The following FNTB variants were observed in gnomAD, a reference collection of about 807,000 sequenced individuals.
FNTB encodes protein farnesyltransferase subunit beta.
Under a neutral mutation model 59.4 loss-of-function variants are expected in FNTB, and 27 were observed. That is an observed-to-expected ratio of 0.45 (90% CI 0.34 to 0.63). FNTB has a LOEUF of 0.63. Among genes scored for constraint, FNTB ranks in the 20% least tolerant of loss-of-function variants. FNTB has a pLI of 0.02. For missense variants in FNTB, 449 were observed against 559.6 expected (o/e 0.80, Z 1.99); for synonymous variants, 230 against 220.7 (o/e 1.04, Z -0.37).
In FNTB at chr14:65,062,261, T is replaced by G. The variant is rs1271907511; in HGVS notation, c.*949T>G. 6 of 152,274 alleles carry G rather than the reference T, an allele frequency of 3.9e-5. No individual in the cohort carries two copies. The highest frequency in any genetic ancestry group is 8.8e-5 in the Non-Finnish European group (6 of 68,054). The allele number at this position is 152,274 out of a possible 1,614,324, so 9.4% of individuals were successfully genotyped here. On this transcript the variant is annotated 3_prime_UTR_variant, in exon 12 of 12. Coordinates refer to ENST00000246166, the MANE Select transcript of FNTB (RefSeq NM_002028.4). The surrounding 1 kb of genome is among the most constrained non-coding windows in gnomAD (Gnocchi z 4.3). ...ATTAACACTACTAAGTCTTTCACCT[T>G]AACTTATGACTCAGGATTTATTCAC...
At chr14:64,993,368 G>A (rs1421430954) in intron 1 of FNTB, among the ~76,000 whole-genome samples, 3 of 152,232 alleles carry the variant, frequency 2.0e-5, no homozygotes, top group Admixed American at 1.3e-4. Context: ...CTAAATTTGT[G>A]TTTAATTTAT....
rs1555335876 is a variant in FNTB, at chr14:65,037,403, C to CTTTTTTTTTTTTTTTTTTTTTTTTTTT, written c.693-3370_693-3344dup. ...TAGGCGTGAGCCACCACGCCGGGCC[C>CTTTTTTTTTTTTTTTTTTTTTTTTTTT]TTTTTTTTTTTTTTTTTTTTTTTTT... On this transcript the variant is annotated intron_variant, in intron 7 of 11. Coordinates refer to ENST00000246166, the MANE Select transcript of FNTB (RefSeq NM_002028.4). Among the ~76,000 whole-genome samples, 9 of 29,646 alleles carry CTTTTTTTTTTTTTTTTTTTTTTTTTTT rather than the reference C, an allele frequency of 3.0e-4. 3 individuals carry two copies. The highest frequency in any genetic ancestry group is 1.3e-3 in the Admixed American group (3 of 2,366). 19.4% of individuals were successfully genotyped at this position (29,646 alleles called of 152,430 possible). A position where few individuals can be genotyped will look rare whatever the true frequency, so the allele number is the denominator to read the frequency against.
rs2061683345 is a variant in FNTB, at chr14:65,011,496, T to C, written c.210-821T>C. Among the ~76,000 whole-genome samples the C allele has an allele frequency of 6.6e-6, 1 of 151,856 alleles. No homozygotes were observed. Among genetic ancestry groups the C allele is most frequent in the African/African-American group, 2.4e-5 (1 of 41,250 alleles). On this transcript the variant is annotated intron_variant, in intron 2 of 11. Coordinates refer to ENST00000246166, the MANE Select transcript of FNTB (RefSeq NM_002028.4). The surrounding 1 kb of genome is among the most constrained non-coding windows in gnomAD (Gnocchi z 4.0). ...ACTCTGAGCCAAGTACAGTGGGAAT[T>C]TGATAAACAATTGTGGAATTGACTA...
chr14:65,037,402 C>CTTTTTT (rs765037575), intron 7 of FNTB, among the ~76,000 whole-genome samples: 20 of 14,530 alleles, frequency 1.4e-3, no homozygotes, highest in Admixed American at 2.1e-3. Flanking sequence ...CACGCCGGGC[C>CTTTTTT]CTTTTTTTTT....
chr14:65,013,740 G>T (rs1395039210), intron 3 of FNTB, among the ~76,000 whole-genome samples: 1 of 152,134 alleles, frequency 6.6e-6, no homozygotes, highest in Non-Finnish European at 1.5e-5. Context: ...TAGAGACAGG[G>T]TTTCACCATA....
At chr14:65,025,983 C>T (rs979940064) in intron 4 of FNTB, among the ~76,000 whole-genome samples, 1 of 152,232 alleles carries the variant, frequency 6.6e-6, no homozygotes, top group Non-Finnish European at 1.5e-5. Flanking sequence ...TTTGCTTTCT[C>T]TGCCCGGATA....
At chr14:65,006,194 CTT>C in intron 2 of FNTB, 1 of 1,411,306 alleles carries the variant, frequency 7.1e-7, no homozygotes, top group African/African-American at 1.6e-5. Flanking sequence ...CCTTAAGAAA[CTT>C]TTTCTGATTA....
chr14:65,057,619 A>G (rs1038086235), intron 11 of FNTB, among the ~76,000 whole-genome samples: 1 of 152,208 alleles, frequency 6.6e-6, no homozygotes, highest in Non-Finnish European at 1.5e-5. Context: ...GATGCGTGCT[A>G]TGAAGGGAAT....
chr14:64,989,615 T>C (rs1888106505), intron 1 of FNTB, among the ~76,000 whole-genome samples: 1 of 152,164 alleles, frequency 6.6e-6, no homozygotes, highest in Non-Finnish European at 1.5e-5. Flanking sequence ...TGTTAAGCAA[T>C]AATTTGGTAA....
intron 9 of FNTB, among the ~76,000 whole-genome samples, chr14:65,052,451 G>A (rs34957364): frequency 0.4 from 60,839 of 151,946 alleles, 12,879 homozygotes; most frequent in East Asian, 0.58. Flanking sequence ...CAAGGACTTA[G>A]TGTACATCCT....
At chr14:65,055,109 G>A (rs1254551640) in intron 11 of FNTB, among the ~76,000 whole-genome samples, 2 of 152,252 alleles carry the variant, frequency 1.3e-5, no homozygotes, top group Admixed American at 1.3e-4. Flanking sequence ...CATCTCTTCA[G>A]AGAATGAGAT....
At chr14:65,053,402 G>A (rs554285177) in intron 10 of FNTB, 53 bp downstream of exon 10, 10 of 1,315,708 alleles carry the variant, frequency 7.6e-6, no homozygotes, top group Non-Finnish European at 9.9e-6. Flanking sequence ...AGAGCAGAGG[G>A]GCGTGCACCT....
intron 8 of FNTB, among the ~76,000 whole-genome samples, chr14:65,041,554 C>A (rs1190297359): frequency 6.6e-6 from 1 of 152,142 alleles, no homozygotes; most frequent in Non-Finnish European, 1.5e-5. Flanking sequence ...GGAGCATGTA[C>A]CCCCTGACCA....
rs562212938 is a variant in FNTB, at chr14:65,036,196, T to C, written c.692+3500T>C. ...CCACTGCTCTGTGTCATAGTTTCCT[T>C]ATATGTCAAGTGGTGGGATACTGAA... is the stretch of plus-strand genomic sequence containing the variant. On this transcript the variant is annotated intron_variant, in intron 7 of 11. Coordinates refer to ENST00000246166, the MANE Select transcript of FNTB (RefSeq NM_002028.4). Among the ~76,000 whole-genome samples, 15 of 152,268 alleles carry C rather than the reference T, an allele frequency of 9.9e-5. No individual in the cohort carries two copies. In the South Asian group the frequency reaches 1.4e-3, roughly 15 times the overall value.
intron 2 of FNTB, 115 bp downstream of exon 2, chr14:65,004,428 G>A: frequency 8.8e-7 from 1 of 1,140,950 alleles, no homozygotes; most frequent in Non-Finnish European, 1.3e-6. Context: ...CAAGAATGGT[G>A]TTTCTTGTCC....
intron 9 of FNTB, among the ~76,000 whole-genome samples, chr14:65,048,370 T>A (rs2062533161): frequency 6.6e-6 from 1 of 150,984 alleles, no homozygotes; most frequent in Admixed American, 6.6e-5. Flanking sequence ...TTTTGGTAAA[T>A]GTACAAATAC....
At chr14:65,005,160 A>G (rs2061561160) in intron 2 of FNTB, among the ~76,000 whole-genome samples, 1 of 152,252 alleles carries the variant, frequency 6.6e-6, no homozygotes, top group Admixed American at 6.5e-5. Context: ...CTTGGAGCTT[A>G]GCAAGTTGAA....
intron 4 of FNTB, 138 bp downstream of exon 4, chr14:65,015,854 C>A: frequency 1.1e-6 from 1 of 895,088 alleles, no homozygotes; most frequent in African/African-American, 1.7e-5. Context: ...CTCATGACCT[C>A]CGGCAACTTC....
At position 64,994,562 on chromosome 14, in the gene FNTB, T is replaced by C. The variant is rs1888325230; in HGVS notation, c.144+7465T>C. Among the ~76,000 whole-genome samples, 1 of 152,264 alleles carries C rather than the reference T, an allele frequency of 6.6e-6. No individual in the cohort carries two copies. Among genetic ancestry groups the C allele is most frequent in the African/African-American group, 2.4e-5 (1 of 41,552 alleles). ...TTACTGTACTAAATACTGCAGGCAA[T>C]TGGAACACAATGGTAAATATTTTTG... On this transcript the variant is annotated intron_variant, in intron 1 of 11. Transcript: ENST00000246166. The surrounding 1 kb of genome is among the most constrained non-coding windows in gnomAD (Gnocchi z 4.2).
Sources: allele counts gnomAD v4.1 joint callset (sites outside exome capture counted in the v4.1 genomes callset), GRCh38; gene constraint gnomAD v4.1.1; non-coding constraint Gnocchi (gnomAD v3.1); transcripts MANE v1.5; gene names NCBI Gene and HGNC (gene_info 2026-07-23, HGNC 2026-07-21).